The following LHFPL3 variants were observed in gnomAD, a reference collection of about 807,000 sequenced individuals.
The protein encoded by LHFPL3 is LHFPL tetraspan subfamily member 3 protein.
In LHFPL3, 5 loss-of-function variants were observed where a neutral mutation model predicts 19.3. The ratio of observed to expected loss-of-function variants is 0.26; its 90% CI spans 0.14 to 0.54. LHFPL3 has a LOEUF of 0.54. Among genes scored for constraint, LHFPL3 ranks in the 20% least tolerant of loss-of-function variants. The pLI is 0.94. For synonymous variants in LHFPL3, 133 were observed against 126.2 expected, an observed-to-expected ratio of 1.05 and a Z score of -0.36; for missense variants, 249 against 307.4, an observed-to-expected ratio of 0.81 and a Z score of 1.42.
chr7:104,777,897 G>A (rs1794659118), intron 2 of LHFPL3, among the ~76,000 whole-genome samples: 1 of 152,084 alleles, frequency 6.6e-6, no homozygotes, highest in African/African-American at 2.4e-5. Context: ...TGTAACTTAA[G>A]TAAGTCATTT....
chr7:104,711,594 C>T (rs1475132756), intron 1 of LHFPL3, among the ~76,000 whole-genome samples: 1 of 152,144 alleles, frequency 6.6e-6, no homozygotes, highest in Admixed American at 6.5e-5. Flanking sequence ...TCTCTTGGAA[C>T]ATAAATCAAG....
chr7:104,708,880 C>T (rs906324709), intron 1 of LHFPL3, among the ~76,000 whole-genome samples: 1 of 152,094 alleles, frequency 6.6e-6, no homozygotes, highest in Admixed American at 6.5e-5. Context: ...TCTCAAGTCC[C>T]TTGAGAGAAA....
At chr7:104,458,477 C>T (rs572596571) in intron 1 of LHFPL3, among the ~76,000 whole-genome samples, 4 of 152,134 alleles carry the variant, frequency 2.6e-5, no homozygotes, top group Non-Finnish European at 5.9e-5. Context: ...TGATCTATAC[C>T]TCTGTTTTGG....
At position 104,777,680 on chromosome 7, in the gene LHFPL3, A is replaced by G. The variant is rs147331561; in HGVS notation, c.682+40769A>G. 1.7e-3 allele frequency among the ~76,000 whole-genome samples: 261 copies of G among 152,360 alleles called. 1 individual carries two copies. Among genetic ancestry groups the G allele is most frequent in the African/African-American group, 6.1e-3 (253 of 41,586 alleles). On this transcript the variant is annotated intron_variant, in intron 2 of 2. Coordinates refer to ENST00000424859, the MANE Select transcript of LHFPL3 (RefSeq NM_199000.3). ...ATATCATTTGTCTTAATTACTCTGA[A>G]GAAAACTGTGGAGACCATTTCACTG...
chr7:104,402,314 A>G (rs75794880), intron 1 of LHFPL3, among the ~76,000 whole-genome samples: 3,399 of 152,264 alleles, frequency 0.022, 110 homozygotes, highest in African/African-American at 0.078. Context: ...AGATTCTACC[A>G]CCTACTTAAA....
At chr7:104,421,920 G>A (rs1229269827) in intron 1 of LHFPL3, among the ~76,000 whole-genome samples, 1 of 152,098 alleles carries the variant, frequency 6.6e-6, no homozygotes, top group Non-Finnish European at 1.5e-5. Flanking sequence ...TCCTTATAAG[G>A]AAAGACCCCA....
At chr7:104,655,499 A>T (rs1792105912) in intron 1 of LHFPL3, among the ~76,000 whole-genome samples, 1 of 152,202 alleles carries the variant, frequency 6.6e-6, no homozygotes, top group Non-Finnish European at 1.5e-5. Context: ...AGAATTGAGG[A>T]TTGCTAAAGG....
At chr7:104,801,164 T>C (rs1243966614) in intron 2 of LHFPL3, among the ~76,000 whole-genome samples, 1 of 152,144 alleles carries the variant, frequency 6.6e-6, no homozygotes, top group South Asian at 2.1e-4. Context: ...AACTGAAGAA[T>C]GCAAAGACTT....
chr7:104,659,996 A>T (rs1460387258), intron 1 of LHFPL3, among the ~76,000 whole-genome samples: 1 of 124,474 alleles, frequency 8.0e-6, no homozygotes, highest in Non-Finnish European at 1.7e-5. Flanking sequence ...AGTTTGCCAC[A>T]GCAACTCGTT....
intron 1 of LHFPL3, among the ~76,000 whole-genome samples, chr7:104,467,229 C>T (rs1792807279): frequency 6.6e-6 from 1 of 152,128 alleles, no homozygotes; most frequent in Non-Finnish European, 1.5e-5. Context: ...GGTTCTTGCT[C>T]TACCTATCTC....
At chr7:104,525,974 G>C (rs1161565813) in intron 1 of LHFPL3, among the ~76,000 whole-genome samples, 1 of 152,074 alleles carries the variant, frequency 6.6e-6, no homozygotes, top group East Asian at 1.9e-4. Context: ...TCTCCCAACT[G>C]AATGAAGAAG....
At chr7:104,871,704 G>C (rs1015276875) in intron 2 of LHFPL3, among the ~76,000 whole-genome samples, 2 of 151,960 alleles carry the variant, frequency 1.3e-5, no homozygotes, top group African/African-American at 4.8e-5. Context: ...TGTTGCCCAG[G>C]CTGGAGTGCA....
intron 2 of LHFPL3, among the ~76,000 whole-genome samples, chr7:104,766,005 G>T (rs1467295318): frequency 6.6e-6 from 1 of 152,216 alleles, no homozygotes; most frequent in African/African-American, 2.4e-5. Context: ...CTGTTTTGTA[G>T]TCAGCTCTCA....
At chr7:104,595,256 T>C (rs1790823602) in intron 1 of LHFPL3, among the ~76,000 whole-genome samples, 1 of 152,092 alleles carries the variant, frequency 6.6e-6, no homozygotes, top group Non-Finnish European at 1.5e-5. Flanking sequence ...ATGTTGATGC[T>C]ATTTCTTTCT....
At chr7:104,380,431 T>A (rs1286152423) in intron 1 of LHFPL3, among the ~76,000 whole-genome samples, 2 of 152,092 alleles carry the variant, frequency 1.3e-5, no homozygotes, top group Non-Finnish European at 2.9e-5. Flanking sequence ...GCAGTATTCA[T>A]AGGTATGAAT....
intron 1 of LHFPL3, among the ~76,000 whole-genome samples, chr7:104,347,119 A>G (rs900220372): frequency 1.3e-5 from 2 of 152,008 alleles, no homozygotes; most frequent in Admixed American, 6.6e-5. Context: ...AACATTAGGT[A>G]TTAGTATCAC....
At chr7:104,848,128 A>T (rs1184814378) in intron 2 of LHFPL3, among the ~76,000 whole-genome samples, 1 of 152,172 alleles carries the variant, frequency 6.6e-6, no homozygotes, top group East Asian at 1.9e-4. Flanking sequence ...CAGCTCCAGA[A>T]TTTTGGCAGA....
intron 1 of LHFPL3, among the ~76,000 whole-genome samples, chr7:104,468,947 C>G (rs1324600573): frequency 6.6e-6 from 1 of 152,150 alleles, no homozygotes; most frequent in Non-Finnish European, 1.5e-5. Flanking sequence ...GTGTGAGCCA[C>G]AATGCACGGC....
chr7:104,693,548 G>A (rs969062293), intron 1 of LHFPL3, among the ~76,000 whole-genome samples: 8 of 152,128 alleles, frequency 5.3e-5, no homozygotes, highest in South Asian at 2.1e-4. Flanking sequence ...CACAACATCC[G>A]ATGGTTTTAT....
Sources: allele counts gnomAD v4.1 joint callset (sites outside exome capture counted in the v4.1 genomes callset), GRCh38; gene constraint gnomAD v4.1.1; transcripts MANE v1.5; gene names NCBI Gene and HGNC (gene_info 2026-07-23, HGNC 2026-07-21).